Variants in TRMT9B observed in about 807,000 individuals in gnomAD.
TRMT9B encodes probable tRNA methyltransferase 9B.
In TRMT9B, 16 loss-of-function variants were observed where a neutral mutation model predicts 11.5. The ratio of observed to expected loss-of-function variants is 1.39; its 90% CI spans 0.94 to 2.11. TRMT9B has a LOEUF of 2.11. Ranked by LOEUF, TRMT9B falls within the 30% of genes most tolerant of loss-of-function variation. TRMT9B has a pLI of 0.00. For missense variants in TRMT9B, 941 were observed against 553.8 expected (o/e 1.70, Z -7.02); for synonymous variants, 274 against 192.4 (o/e 1.42, Z -3.51).
At chr8:12,965,214 G>A (rs1409427275) in intron 1 of TRMT9B, among the ~76,000 whole-genome samples, 2 of 152,206 alleles carry the variant, frequency 1.3e-5, no homozygotes, top group African/African-American at 2.4e-5. Context: ...TGTGATATAA[G>A]CATTCAAGCC....
In TRMT9B at chr8:12,962,475, A is replaced by AT. The variant is rs374646115; in HGVS notation, c.-200+16519dup. ...CTTAAGATGATGTGTTCTGGCTTAA[A>AT]TTTTTTTTTTCGTTTGTTTTTTGTT... On this transcript the variant is annotated intron_variant, in intron 1 of 4. Coordinates refer to ENST00000524591, the MANE Select transcript of TRMT9B (RefSeq NM_020844.3). Among the ~76,000 whole-genome samples, 23 of 149,786 alleles carry AT rather than the reference A, an allele frequency of 1.5e-4. No individual in the cohort carries two copies. In the East Asian group the frequency reaches 2.9e-3, roughly 19 times the overall value.
intron 4 of TRMT9B, among the ~76,000 whole-genome samples, chr8:13,013,434 C>G (rs1272024360): frequency 6.6e-6 from 1 of 152,102 alleles, no homozygotes; most frequent in Non-Finnish European, 1.5e-5. Flanking sequence ...TTTCTCATAT[C>G]CTCCCAACAA....
At chr8:13,009,332 C>T (rs1382278605) in intron 3 of TRMT9B, among the ~76,000 whole-genome samples, 6 of 148,088 alleles carry the variant, frequency 4.1e-5, no homozygotes, top group African/African-American at 1.5e-4. Context: ...GAATTAAATT[C>T]AAAGGAAAAA....
intron 4 of TRMT9B, among the ~76,000 whole-genome samples, chr8:13,015,101 A>AT (rs575926677): frequency 6.6e-6 from 1 of 150,800 alleles, no homozygotes; most frequent in South Asian, 2.1e-4. Flanking sequence ...AAATAAATAA[A>AT]ATAAAAAGTC....
intron 1 of TRMT9B, among the ~76,000 whole-genome samples, chr8:12,978,486 C>T (rs1013551805): frequency 3.7e-5 from 5 of 133,586 alleles, no homozygotes; most frequent in Admixed American, 8.3e-5. Flanking sequence ...GCTGCTAACC[C>T]GCGACAGAGA....
chr8:13,008,363 T>A (rs890694699), intron 3 of TRMT9B, among the ~76,000 whole-genome samples: 1 of 152,160 alleles, frequency 6.6e-6, no homozygotes, highest in African/African-American at 2.4e-5. Flanking sequence ...AATGGAGAAA[T>A]TGTGGCCCTA....
At chr8:12,980,184 G>C (rs1351517550) in intron 1 of TRMT9B, among the ~76,000 whole-genome samples, 1 of 151,990 alleles carries the variant, frequency 6.6e-6, no homozygotes, top group Non-Finnish European at 1.5e-5. Context: ...TTGTCAGCGG[G>C]GCCTGCTCCC....
At position 12,982,496 on chromosome 8, in the gene TRMT9B, T is replaced by TA. The variant is rs546692222; in HGVS notation, c.-199-8337dup. 3.3e-5 allele frequency among the ~76,000 whole-genome samples: 5 copies of TA among 152,244 alleles called. No homozygotes were observed. In the South Asian group the frequency reaches 1.0e-3, roughly 32 times the overall value. On this transcript the variant is annotated intron_variant, in intron 1 of 4. Transcript: ENST00000524591. ...GGACAACATAGTGAAACCCCGTCTC[T>TA]ACTAAAAATACAAAAATTAGCTGGG...
intron 3 of TRMT9B, chr8:13,007,509 C>G (rs1412899323): frequency 1.3e-5 from 2 of 152,110 alleles, no homozygotes; most frequent in African/African-American, 4.8e-5. Context: ...TTTCTAAATA[C>G]TGGTAAGAGA....
At chr8:12,973,682 G>T (rs1305617279) in intron 1 of TRMT9B, among the ~76,000 whole-genome samples, 2 of 152,192 alleles carry the variant, frequency 1.3e-5, no homozygotes, top group African/African-American at 4.8e-5. Context: ...GTCATAGGCA[G>T]CCAGCAGGAC....
chr8:12,995,752 A>G (rs1808224613), intron 2 of TRMT9B, among the ~76,000 whole-genome samples: 1 of 152,212 alleles, frequency 6.6e-6, no homozygotes, highest in Admixed American at 6.5e-5. Flanking sequence ...CCATCCAGAT[A>G]CCAATTAGAC....
chr8:13,013,981 A>G (rs1335026675), intron 4 of TRMT9B, among the ~76,000 whole-genome samples: 2 of 152,182 alleles, frequency 1.3e-5, no homozygotes, highest in African/African-American at 4.8e-5. Flanking sequence ...CTATTTGATT[A>G]ATAAGTTTTA....
chr8:13,006,673 T>C, intron 3 of TRMT9B: 2 of 1,343,240 alleles, frequency 1.5e-6, no homozygotes, highest in African/African-American at 2.9e-5. Context: ...TTTTATTTTA[T>C]TTTTATTCTT....
rs2128904404 is a variant in TRMT9B, at chr8:13,023,084, A to C, written c.*1040A>C. 1 of 167,140 alleles carries C rather than the reference A, an allele frequency of 6.0e-6. No individual in the cohort carries two copies. Among genetic ancestry groups the C allele is most frequent in the East Asian group, 1.9e-4 (1 of 5,206 alleles). The allele number at this position is 167,140 out of a possible 1,614,324, so 10.4% of individuals were successfully genotyped here. A position where few individuals can be genotyped will look rare whatever the true frequency, so the allele number is the denominator to read the frequency against. ...GCAAGTACCCAAGTGGTATTCTTCC[A>C]ATCTTATTAGAAGCATGAATATTCA... On this transcript the variant is annotated 3_prime_UTR_variant, in exon 5 of 5. Coordinates refer to ENST00000524591, the MANE Select transcript of TRMT9B (RefSeq NM_020844.3).
intron 4 of TRMT9B, among the ~76,000 whole-genome samples, chr8:13,017,912 C>G (rs942983739): frequency 3.5e-4 from 53 of 151,786 alleles, no homozygotes; most frequent in African/African-American, 1.3e-3. Context: ...GTGTGAGGCA[C>G]CATCCGTGGC....
intron 2 of TRMT9B, among the ~76,000 whole-genome samples, chr8:12,991,603 T>C (rs1296660781): frequency 6.6e-6 from 1 of 152,198 alleles, no homozygotes; most frequent in Non-Finnish European, 1.5e-5. Flanking sequence ...TTTTTAGTTA[T>C]GAAAAAGTGA....
intron 2 of TRMT9B, among the ~76,000 whole-genome samples, chr8:12,996,637 C>G (rs1461718251): frequency 6.6e-6 from 1 of 152,152 alleles, no homozygotes; most frequent in African/African-American, 2.4e-5. Context: ...ATACTCTGCT[C>G]AGTTTTAAGT....
intron 3 of TRMT9B, chr8:13,011,584 A>C: frequency 1.1e-6 from 1 of 939,650 alleles, no homozygotes; most frequent in Non-Finnish European, 1.3e-6. Flanking sequence ...ACTAAGTATT[A>C]GACTGTAGAA....
intron 3 of TRMT9B, chr8:13,007,527 A>T (rs906315849): frequency 2.0e-5 from 3 of 152,226 alleles, no homozygotes; most frequent in Non-Finnish European, 2.9e-5. Flanking sequence ...AGAAACAGAC[A>T]TACCAGAACT....
Sources: gnomAD v4.1 joint callset for allele counts (sites outside exome capture counted in the v4.1 genomes callset) on GRCh38, gnomAD v4.1.1 for gene constraint, MANE v1.5 for transcripts, NCBI Gene and HGNC (gene_info 2026-07-23, HGNC 2026-07-21) for gene names.